MDGA2: variants seen among roughly 807,000 people sequenced by gnomAD.
MDGA2 encodes MAM domain-containing glycosylphosphatidylinositol anchor protein 2.
MDGA2 carries 40 observed loss-of-function variants against 117.8 expected under a neutral mutation model. The ratio of observed to expected loss-of-function variants is 0.34; its 90% CI spans 0.26 to 0.44. The LOEUF (loss-of-function observed/expected upper bound fraction) is 0.44. MDGA2 is among the 20% of genes least tolerant of loss of function. The pLI is 1.00. For missense variants in MDGA2, 1,123 were observed against 1,250.6 expected (o/e 0.90, Z 1.54); for synonymous variants, 452 against 439.0 (o/e 1.03, Z -0.37).
At chr14:46,946,990 A>C (rs2138597819) in intron 9 of MDGA2, among the ~76,000 whole-genome samples, 1 of 152,254 alleles carries the variant, frequency 6.6e-6, no homozygotes, top group East Asian at 1.9e-4. Context: ...AAAATATTTT[A>C]AACATTACTT....
chr14:47,209,669 T>G (rs1885812919), intron 3 of MDGA2, among the ~76,000 whole-genome samples: 1 of 152,206 alleles, frequency 6.6e-6, no homozygotes, highest in Non-Finnish European at 1.5e-5. Context: ...TTAGGAACTC[T>G]AATACTATTT....
At chr14:47,494,420 C>G (rs905027098) in intron 1 of MDGA2, among the ~76,000 whole-genome samples, 5 of 152,154 alleles carry the variant, frequency 3.3e-5, no homozygotes, top group Admixed American at 2.0e-4. Flanking sequence ...TCAAAGCATG[C>G]AGAACAAAGC....
At chr14:47,044,186 C>T (rs1379928827) in intron 7 of MDGA2, among the ~76,000 whole-genome samples, 3 of 151,826 alleles carry the variant, frequency 2.0e-5, no homozygotes, top group Non-Finnish European at 4.4e-5. Flanking sequence ...TCTTGATTAT[C>T]CAAGGCTTAA....
At chr14:47,504,677 A>C (rs1894473805) in intron 1 of MDGA2, among the ~76,000 whole-genome samples, 1 of 152,208 alleles carries the variant, frequency 6.6e-6, no homozygotes, top group Admixed American at 6.5e-5. Context: ...CTATCATAAA[A>C]AAAAGAAAAA....
chr14:47,033,839 C>G (rs1459376975), intron 8 of MDGA2, among the ~76,000 whole-genome samples: 1 of 152,108 alleles, frequency 6.6e-6, no homozygotes, highest in Non-Finnish European at 1.5e-5. Context: ...GTCTCTCACC[C>G]CACACTCACA....
At chr14:47,413,936 G>A (rs926557022) in intron 1 of MDGA2, among the ~76,000 whole-genome samples, 1 of 152,170 alleles carries the variant, frequency 6.6e-6, no homozygotes, top group East Asian at 1.9e-4. Context: ...ACTACACAGT[G>A]CCTATGTCTC....
intron 2 of MDGA2, among the ~76,000 whole-genome samples, chr14:47,293,943 A>G (rs919677313): frequency 6.6e-6 from 1 of 152,248 alleles, no homozygotes; most frequent in African/African-American, 2.4e-5. Flanking sequence ...AACTATTTGA[A>G]GACTATAAGG....
chr14:47,539,999 G>A (rs552620884), intron 1 of MDGA2, among the ~76,000 whole-genome samples: 9 of 152,168 alleles, frequency 5.9e-5, no homozygotes, highest in South Asian at 4.2e-4. Context: ...GAGCCACAGG[G>A]ATCATCCACT....
intron 1 of MDGA2, among the ~76,000 whole-genome samples, chr14:47,420,559 T>C (rs1464978588): frequency 2.6e-5 from 4 of 152,144 alleles, no homozygotes; most frequent in Admixed American, 2.6e-4. Flanking sequence ...CTTGGTGCTA[T>C]AAAACACAAA....
At chr14:46,996,958 G>T in intron 8 of MDGA2, 1 of 403,578 alleles carries the variant, frequency 2.5e-6, no homozygotes, top group South Asian at 2.2e-5. Flanking sequence ...AGGGAACTTT[G>T]GTGGGAATAG....
At chr14:47,267,524 C>T (rs1282170160) in intron 2 of MDGA2, among the ~76,000 whole-genome samples, 1 of 151,726 alleles carries the variant, frequency 6.6e-6, no homozygotes, top group Non-Finnish European at 1.5e-5. Flanking sequence ...TTCCTAATTT[C>T]TCAGGTCACG....
At chr14:46,852,888 A>G (rs1266064423) in intron 15 of MDGA2, among the ~76,000 whole-genome samples, 4 of 151,984 alleles carry the variant, frequency 2.6e-5, no homozygotes, top group African/African-American at 9.7e-5. Context: ...TAAGAATACA[A>G]AAATATGCAG....
At chr14:47,579,563 A>T (rs1896188810) in intron 1 of MDGA2, among the ~76,000 whole-genome samples, 1 of 152,134 alleles carries the variant, frequency 6.6e-6, no homozygotes, top group Admixed American at 6.6e-5. Context: ...AAGATACAGG[A>T]AAAATGATAC....
chr14:46,959,944 TTGGGCG>T (rs1885725947), intron 8 of MDGA2, among the ~76,000 whole-genome samples: 1 of 151,890 alleles, frequency 6.6e-6, no homozygotes, highest in Non-Finnish European at 1.5e-5. Context: ...TTGTACATAG[TTGGGCG>T]TGGTGGCTCA....
chr14:47,669,183 G>A (rs1455980741), intron 1 of MDGA2, among the ~76,000 whole-genome samples: 1 of 151,892 alleles, frequency 6.6e-6, no homozygotes, highest in African/African-American at 2.4e-5. Context: ...TCTCAACCAG[G>A]GTTTAAGGTG....
intron 9 of MDGA2, among the ~76,000 whole-genome samples, chr14:46,933,247 T>C (rs1446610475): frequency 6.6e-6 from 1 of 151,926 alleles, no homozygotes. Context: ...TCATAGAAAA[T>C]CAAGAGACTT....
chr14:47,281,948 G>A (rs1391817311), intron 2 of MDGA2, among the ~76,000 whole-genome samples: 1 of 151,538 alleles, frequency 6.6e-6, no homozygotes, highest in Non-Finnish European at 1.5e-5. Context: ...CCAGCTACTC[G>A]GGAGGCTGAG....
intron 7 of MDGA2, among the ~76,000 whole-genome samples, chr14:47,045,168 A>G (rs960970236): frequency 6.6e-6 from 1 of 152,212 alleles, no homozygotes; most frequent in Admixed American, 6.6e-5. Context: ...CTCAAGCTAC[A>G]AGACCAGTTG....
chr14:47,240,817 T>C (rs1212030670), intron 2 of MDGA2, among the ~76,000 whole-genome samples: 1 of 151,926 alleles, frequency 6.6e-6, no homozygotes, highest in Admixed American at 6.6e-5. Context: ...AGTGAGCACT[T>C]AGCCAACTCT....
Sources: gnomAD v4.1 joint callset for allele counts (sites outside exome capture counted in the v4.1 genomes callset) on GRCh38, gnomAD v4.1.1 for gene constraint, MANE v1.5 for transcripts, NCBI Gene and HGNC (gene_info 2026-07-23, HGNC 2026-07-21) for gene names.